The following CLDN10 variants were observed in gnomAD, a reference collection of about 807,000 sequenced individuals.
CLDN10 encodes the protein claudin 10, also known as claudin-10.
In CLDN10, 15 loss-of-function variants were observed where a neutral mutation model predicts 22.9. The ratio of observed to expected loss-of-function variants is 0.65; its 90% CI spans 0.44 to 1.01. CLDN10 has a LOEUF of 1.01. Among genes scored for constraint, CLDN10 ranks in the 50% least tolerant of loss-of-function variants. The pLI, the probability that CLDN10 is intolerant of heterozygous loss-of-function variation, is 0.00. For missense variants in CLDN10, 247 were observed against 287.8 expected, an observed-to-expected ratio of 0.86 and a Z score of 1.03; for synonymous variants, 114 against 111.4, an observed-to-expected ratio of 1.02 and a Z score of -0.15.
At chr13:95,508,152 G>C (rs1459129331) in intron 1 of CLDN10, among the ~76,000 whole-genome samples, 2 of 152,066 alleles carry the variant, frequency 1.3e-5, no homozygotes, top group South Asian at 2.1e-4. Context: ...TAAAGCATCT[G>C]GCACACCCTG....
At chr13:95,529,186 A>C (rs1013902007) in intron 1 of CLDN10, among the ~76,000 whole-genome samples, 10 of 152,128 alleles carry the variant, frequency 6.6e-5, no homozygotes, top group African/African-American at 1.2e-4. Context: ...TCTAAATTTA[A>C]AAGGAATCCT....
At chr13:95,508,859 G>A (rs2043066846) in intron 1 of CLDN10, among the ~76,000 whole-genome samples, 1 of 152,206 alleles carries the variant, frequency 6.6e-6, no homozygotes, top group Non-Finnish European at 1.5e-5. Flanking sequence ...ATGAGCAATG[G>A]GACTGAGGAA....
chr13:95,507,683 G>C (rs1281145347), intron 1 of CLDN10, among the ~76,000 whole-genome samples: 2 of 151,888 alleles, frequency 1.3e-5, no homozygotes, highest in Non-Finnish European at 2.9e-5. Context: ...GAGTGCAATG[G>C]TGCAATCTTG....
chr13:95,544,766 T>G (rs569095965), intron 1 of CLDN10, among the ~76,000 whole-genome samples: 1 of 151,906 alleles, frequency 6.6e-6, no homozygotes, highest in South Asian at 2.1e-4. Context: ...CTAGATGAAA[T>G]AGGGTAGTTT....
intron 1 of CLDN10, among the ~76,000 whole-genome samples, chr13:95,463,326 T>TATG (rs2042554352): frequency 1.7e-5 from 1 of 60,356 alleles, no homozygotes; most frequent in Non-Finnish European, 4.0e-5. Flanking sequence ...ATATATATAT[T>TATG]TGCCTTTTTT....
intron 3 of CLDN10, among the ~76,000 whole-genome samples, chr13:95,568,462 G>A (rs540385596): frequency 3.9e-4 from 60 of 152,154 alleles, no homozygotes; most frequent in Non-Finnish European, 7.8e-4. Context: ...TTCTGCCAGC[G>A]TGCCCTGCTT....
chr13:95,538,034 G>A (rs986311871), intron 1 of CLDN10, among the ~76,000 whole-genome samples: 1 of 151,826 alleles, frequency 6.6e-6, no homozygotes, highest in South Asian at 2.1e-4. Flanking sequence ...CTAAAACAAC[G>A]TTGCCAAGAA....
chr13:95,513,099 T>C (rs767522215), intron 1 of CLDN10, among the ~76,000 whole-genome samples: 12 of 152,114 alleles, frequency 7.9e-5, no homozygotes, highest in Non-Finnish European at 1.8e-4. Context: ...AGGTTGGTCT[T>C]GATCTCCTGG....
chr13:95,538,159 T>TC (rs1566324891), intron 1 of CLDN10, among the ~76,000 whole-genome samples: 1,363 of 131,036 alleles, frequency 0.01, 29 homozygotes, highest in African/African-American at 0.036. Flanking sequence ...ATTTCTTTTT[T>TC]TTTTTTTTTT....
At chr13:95,543,501 T>C (rs2043479658) in intron 1 of CLDN10, among the ~76,000 whole-genome samples, 1 of 152,118 alleles carries the variant, frequency 6.6e-6, no homozygotes, top group South Asian at 2.1e-4. Context: ...CATATACCTA[T>C]TCCAGGTAGC....
chr13:95,505,585 A>G (rs909893627), intron 1 of CLDN10, among the ~76,000 whole-genome samples: 2 of 152,176 alleles, frequency 1.3e-5, no homozygotes, highest in African/African-American at 4.8e-5. Context: ...CAGTGAAGCA[A>G]ATACAACTCA....
chr13:95,574,990 T>G (rs1346726862), intron 3 of CLDN10, among the ~76,000 whole-genome samples: 1 of 152,018 alleles, frequency 6.6e-6, no homozygotes, highest in Non-Finnish European at 1.5e-5. Flanking sequence ...AAGCTATGCT[T>G]ATGATTTCTA....
chr13:95,459,708 C>T (rs1382595433), intron 1 of CLDN10, among the ~76,000 whole-genome samples: 1 of 152,242 alleles, frequency 6.6e-6, no homozygotes, highest in Non-Finnish European at 1.5e-5. Flanking sequence ...AGACCTCTGA[C>T]ATGCCCTGGA....
chr13:95,550,006 C>A (rs1459577073), upstream of CLDN10, among the ~76,000 whole-genome samples: 1 of 152,154 alleles, frequency 6.6e-6, no homozygotes, highest in Non-Finnish European at 1.5e-5. Context: ...ACTGTTTATA[C>A]ACACATACAC....
intron 3 of CLDN10, among the ~76,000 whole-genome samples, chr13:95,561,322 G>A (rs984627208): frequency 6.6e-6 from 1 of 152,060 alleles, no homozygotes; most frequent in Non-Finnish European, 1.5e-5. Context: ...GGTCAGCTGG[G>A]CTTTACTTTT....
intron 3 of CLDN10, among the ~76,000 whole-genome samples, chr13:95,576,014 A>G (rs1444317461): frequency 6.6e-6 from 1 of 152,086 alleles, no homozygotes; most frequent in Non-Finnish European, 1.5e-5. Flanking sequence ...GGCCCACCCT[A>G]TTACACCACC....
At chr13:95,553,754 T>A (rs924792711) in intron 1 of CLDN10, among the ~76,000 whole-genome samples, 2 of 152,210 alleles carry the variant, frequency 1.3e-5, no homozygotes, top group Non-Finnish European at 2.9e-5. Context: ...TTGTGGAGGT[T>A]CACCTGCGTT....
intron 1 of CLDN10, among the ~76,000 whole-genome samples, chr13:95,481,317 T>C (rs1297151854): frequency 6.6e-6 from 1 of 152,176 alleles, no homozygotes; most frequent in African/African-American, 2.4e-5. Context: ...CAGCAGAGGA[T>C]GGCCGGGGCA....
intron 1 of CLDN10, among the ~76,000 whole-genome samples, chr13:95,488,933 T>C (rs1331661124): frequency 1.3e-5 from 2 of 149,140 alleles, no homozygotes; most frequent in Admixed American, 6.9e-5. Context: ...GATCAAATCA[T>C]AGTTCTACTT....
Sources: gnomAD v4.1 joint callset for allele counts (sites outside exome capture counted in the v4.1 genomes callset) on GRCh38, gnomAD v4.1.1 for gene constraint, MANE v1.5 for transcripts, NCBI Gene and HGNC (gene_info 2026-07-23, HGNC 2026-07-21) for gene names.